Variants in PTPRO observed in about 807,000 individuals in gnomAD.
PTPRO encodes the protein receptor-type tyrosine-protein phosphatase O.
PTPRO carries 62 observed loss-of-function variants against 145.2 expected under a neutral mutation model. That is an observed-to-expected ratio of 0.43 (90% CI 0.35 to 0.53). The LOEUF is 0.53. Ranked by LOEUF, PTPRO falls within the 20% of genes least tolerant of loss-of-function variation. The pLI, the probability that PTPRO is intolerant of heterozygous loss-of-function variation, is 0.01. For missense variants in PTPRO, 1,345 were observed against 1,482.7 expected, an observed-to-expected ratio of 0.91 and a Z score of 1.53; for synonymous variants, 565 against 514.7, an observed-to-expected ratio of 1.10 and a Z score of -1.32.
At chr12:15,363,104 C>A (rs986682301) in intron 1 of PTPRO, among the ~76,000 whole-genome samples, 5 of 152,052 alleles carry the variant, frequency 3.3e-5, no homozygotes, top group Non-Finnish European at 5.9e-5. Context: ...TCTGTGCCGA[C>A]CTTGGGTATG....
At chr12:15,361,483 A>T (rs2136244562) in intron 1 of PTPRO, among the ~76,000 whole-genome samples, 1 of 151,946 alleles carries the variant, frequency 6.6e-6, no homozygotes, top group East Asian at 1.9e-4. Flanking sequence ...AAACAAAGAA[A>T]TTCAGAACAT....
chr12:15,480,781 G>A (rs550740858), intron 1 of PTPRO, among the ~76,000 whole-genome samples: 5 of 151,922 alleles, frequency 3.3e-5, no homozygotes, highest in African/African-American at 1.2e-4. Context: ...ATGGACGGAC[G>A]GACGGACAGA....
At chr12:15,526,323 A>T in intron 12 of PTPRO, 61 bp downstream of exon 12, 1 of 1,595,052 alleles carries the variant, frequency 6.3e-7, no homozygotes, top group Non-Finnish European at 8.6e-7. Context: ...CATTCGATTC[A>T]GCAAGAGCTC....
intron 1 of PTPRO, among the ~76,000 whole-genome samples, chr12:15,472,476 C>T (rs976782377): frequency 1.3e-5 from 2 of 152,150 alleles, no homozygotes; most frequent in Non-Finnish European, 2.9e-5. Flanking sequence ...GATCATCCTC[C>T]GTTGATCTAA....
At chr12:15,585,429 C>T (rs1591771041) in intron 23 of PTPRO, among the ~76,000 whole-genome samples, 1 of 152,208 alleles carries the variant, frequency 6.6e-6, no homozygotes, top group South Asian at 2.1e-4. Flanking sequence ...TAAGCCAGAG[C>T]CCTTGAACAT....
intron 2 of PTPRO, among the ~76,000 whole-genome samples, chr12:15,489,084 A>G (rs191304387): frequency 6.6e-6 from 1 of 152,188 alleles, no homozygotes; most frequent in Non-Finnish European, 1.5e-5. Flanking sequence ...TATTTTAGTT[A>G]TCAGGTACAT....
At chr12:15,429,199 T>C (rs1017935157) in intron 1 of PTPRO, among the ~76,000 whole-genome samples, 2 of 152,188 alleles carry the variant, frequency 1.3e-5, no homozygotes, top group African/African-American at 4.8e-5. Flanking sequence ...CACGAAGCAC[T>C]GTGCTGGGGC....
chr12:15,480,385 AC>A (rs1157816365), intron 1 of PTPRO, among the ~76,000 whole-genome samples: 1 of 152,092 alleles, frequency 6.6e-6, no homozygotes, highest in African/African-American at 2.4e-5. Flanking sequence ...TCAGGATTAA[AC>A]TAATATTTTT....
intron 12 of PTPRO, among the ~76,000 whole-genome samples, chr12:15,543,328 G>C (rs1943216751): frequency 6.6e-6 from 1 of 152,120 alleles, no homozygotes; most frequent in Non-Finnish European, 1.5e-5. Context: ...TTTTCCTGAG[G>C]ATCTTATCAC....
chr12:15,403,253 T>C (rs889419529), intron 1 of PTPRO, among the ~76,000 whole-genome samples: 1 of 152,112 alleles, frequency 6.6e-6, no homozygotes, highest in Non-Finnish European at 1.5e-5. Flanking sequence ...TCTACTGGTG[T>C]GTCTTCTGCC....
chr12:15,488,553 C>G (rs1334077985), intron 2 of PTPRO, among the ~76,000 whole-genome samples: 1 of 152,168 alleles, frequency 6.6e-6, no homozygotes, highest in Non-Finnish European at 1.5e-5. Context: ...TTTGTAGTAT[C>G]TGCTCACAGA....
At chr12:15,441,496 A>G (rs1482352863) in intron 1 of PTPRO, among the ~76,000 whole-genome samples, 1 of 152,174 alleles carries the variant, frequency 6.6e-6, no homozygotes, top group Admixed American at 6.5e-5. Flanking sequence ...GAAAAGAAAG[A>G]ACTAAAATTA....
chr12:15,397,720 A>T (rs1012120638), intron 1 of PTPRO, among the ~76,000 whole-genome samples: 1 of 152,200 alleles, frequency 6.6e-6, no homozygotes. Context: ...GGAAGAAAAC[A>T]GAAAAAGTTT....
chr12:15,427,945 A>G (rs887236966), intron 1 of PTPRO, among the ~76,000 whole-genome samples: 3 of 152,054 alleles, frequency 2.0e-5, no homozygotes, highest in Non-Finnish European at 4.4e-5. Context: ...TTCCATTCTT[A>G]TGTTATTAAT....
chr12:15,582,669 A>C (rs1216904963), intron 23 of PTPRO, among the ~76,000 whole-genome samples: 1 of 152,210 alleles, frequency 6.6e-6, no homozygotes, highest in Non-Finnish European at 1.5e-5. Flanking sequence ...CTTATGTTTT[A>C]AATTAAATAA....
intron 1 of PTPRO, among the ~76,000 whole-genome samples, chr12:15,363,846 C>T (rs1294079121): frequency 6.6e-6 from 1 of 152,064 alleles, no homozygotes; most frequent in Non-Finnish European, 1.5e-5. Flanking sequence ...ACATAATCTT[C>T]CTTTTACTAG....
intron 1 of PTPRO, among the ~76,000 whole-genome samples, chr12:15,418,423 C>T (rs995070864): frequency 1.3e-5 from 2 of 151,762 alleles, no homozygotes; most frequent in Admixed American, 1.3e-4. Context: ...CATTGTTTAC[C>T]TGTTGTTGTA....
chr12:15,554,158 A>C (rs573643487), intron 15 of PTPRO, among the ~76,000 whole-genome samples: 1 of 152,146 alleles, frequency 6.6e-6, no homozygotes, highest in Non-Finnish European at 1.5e-5. Context: ...CTGGGCAACA[A>C]GAGTGAAACT....
At chr12:15,373,495 C>A (rs1413021310) in intron 1 of PTPRO, among the ~76,000 whole-genome samples, 1 of 152,118 alleles carries the variant, frequency 6.6e-6, no homozygotes, top group Non-Finnish European at 1.5e-5. Context: ...TTCACCAGTA[C>A]TTTTTCATCT....
Sources: allele counts gnomAD v4.1 joint callset (sites outside exome capture counted in the v4.1 genomes callset), GRCh38; gene constraint gnomAD v4.1.1; transcripts MANE v1.5; gene names NCBI Gene and HGNC (gene_info 2026-07-23, HGNC 2026-07-21).